The following LSAMP variants were observed in gnomAD, a reference collection of about 807,000 sequenced individuals.
LSAMP encodes the protein limbic system associated membrane protein.
LSAMP carries 7 observed loss-of-function variants against 38.6 expected under a neutral mutation model. The ratio of observed to expected loss-of-function variants is 0.18; its 90% CI spans 0.10 to 0.34. The LOEUF is 0.34. Ranked by LOEUF, LSAMP falls within the 10% of genes least tolerant of loss-of-function variation. The pLI is 1.00. For missense variants in LSAMP, 313 were observed against 420.0 expected, an observed-to-expected ratio of 0.75 and a Z score of 2.23; for synonymous variants, 154 against 166.8, an observed-to-expected ratio of 0.92 and a Z score of 0.59.
At position 116,139,738 on chromosome 3, in the gene LSAMP, C is replaced by T. The variant is rs556390038; in HGVS notation, c.156-53182G>A. 8.6e-4 allele frequency among the ~76,000 whole-genome samples: 130 copies of T among 151,962 alleles called. 1 individual carries two copies. The highest frequency in any genetic ancestry group is 1.5e-3 in the South Asian group (7 of 4,820). ...TTATTTTTAGACCTGTAATGCTTCTCGTGATGCCTGCTTTGGGGGAATGGG... is the reference window on the plus strand; with the variant it reads ...TTATTTTTAGACCTGTAATGCTTCTTGTGATGCCTGCTTTGGGGGAATGGG... On this transcript the variant is annotated intron_variant, in intron 1 of 6. Transcript: ENST00000490035.
chr3:115,820,595 GC>G (rs1423514282), intron 6 of LSAMP, among the ~76,000 whole-genome samples: 1 of 152,118 alleles, frequency 6.6e-6, no homozygotes, highest in Non-Finnish European at 1.5e-5. Flanking sequence ...AGCCACATTA[GC>G]CTGCACCATT....
chr3:116,427,206 C>G (rs2049210593), intron 1 of LSAMP, among the ~76,000 whole-genome samples: 1 of 150,346 alleles, frequency 6.7e-6, no homozygotes, highest in Non-Finnish European at 1.5e-5. Flanking sequence ...CTGCAAGCTC[C>G]GCTTCCCGGG....
At chr3:116,396,875 A>G (rs980441579) in intron 1 of LSAMP, among the ~76,000 whole-genome samples, 4 of 152,192 alleles carry the variant, frequency 2.6e-5, no homozygotes, top group African/African-American at 9.6e-5. Context: ...CCTTGGATTC[A>G]TCTTTCTGTC....
chr3:116,429,956 T>C (rs1375715220), intron 1 of LSAMP, among the ~76,000 whole-genome samples: 1 of 152,212 alleles, frequency 6.6e-6, no homozygotes, highest in Non-Finnish European at 1.5e-5. Context: ...AAATGAGATA[T>C]ACAGTGGGAA....
chr3:116,215,086 G>A (rs992063064), intron 1 of LSAMP, among the ~76,000 whole-genome samples: 4 of 152,010 alleles, frequency 2.6e-5, no homozygotes, highest in South Asian at 4.1e-4. Context: ...GATACATTGC[G>A]GACGGATGGA....
chr3:116,116,819 G>A (rs1708762724), intron 1 of LSAMP, among the ~76,000 whole-genome samples: 1 of 152,096 alleles, frequency 6.6e-6, no homozygotes, highest in African/African-American at 2.4e-5. Flanking sequence ...TGACTACGGT[G>A]AGGCCGCTGT....
intron 3 of LSAMP, among the ~76,000 whole-genome samples, chr3:115,967,146 C>G (rs1195391033): frequency 6.6e-6 from 1 of 152,172 alleles, no homozygotes; most frequent in Non-Finnish European, 1.5e-5. Flanking sequence ...CTTTTAAAAC[C>G]AAGTGCCTTT....
chr3:116,329,768 T>C (rs984437702), intron 1 of LSAMP, among the ~76,000 whole-genome samples: 2 of 152,142 alleles, frequency 1.3e-5, no homozygotes, highest in African/African-American at 4.8e-5. Flanking sequence ...TATCTAATTT[T>C]GGATTTCCAG....
Position 116,439,375 on chromosome 3 carries a change from C to G in LSAMP, c.155+5502G>C, listed in dbSNP as rs572699441. On this transcript the variant is annotated intron_variant, in intron 1 of 6. Coordinates refer to ENST00000490035, the MANE Select transcript of LSAMP (RefSeq NM_002338.5). ...TTAAGATGCCCACCTGTGGATCACA[C>G]TTGTAGTATCCTGTAGTATCAGCAT... Among the ~76,000 whole-genome samples the G allele has an allele frequency of 3.4e-5, 5 of 148,742 alleles. No homozygotes were observed. The South Asian group carries it at 1.1e-3, about 32-fold the overall frequency.
At chr3:116,088,971 C>T (rs2107426872) in intron 1 of LSAMP, among the ~76,000 whole-genome samples, 1 of 152,308 alleles carries the variant, frequency 6.6e-6, no homozygotes, top group Middle Eastern at 3.4e-3. Flanking sequence ...TCCACGTCCC[C>T]ATCCCAAGTC....
intron 1 of LSAMP, among the ~76,000 whole-genome samples, chr3:116,371,099 T>G (rs1057006908): frequency 6.6e-6 from 1 of 152,194 alleles, no homozygotes; most frequent in Non-Finnish European, 1.5e-5. Flanking sequence ...CAGTAACTGA[T>G]GGCTTCACTG....
At chr3:115,868,822 A>G (rs1026612007) in intron 3 of LSAMP, among the ~76,000 whole-genome samples, 1 of 152,148 alleles carries the variant, frequency 6.6e-6, no homozygotes, top group Non-Finnish European at 1.5e-5. Flanking sequence ...CAAATACAAG[A>G]AGAAAATATT....
intron 1 of LSAMP, among the ~76,000 whole-genome samples, chr3:116,137,458 C>T (rs987945250): frequency 2.6e-5 from 4 of 152,162 alleles, no homozygotes; most frequent in Non-Finnish European, 5.9e-5. Context: ...CTAAGACTAA[C>T]CAAAAGTATC....
At chr3:116,376,527 T>A (rs1486043333) in intron 1 of LSAMP, among the ~76,000 whole-genome samples, 1 of 152,072 alleles carries the variant, frequency 6.6e-6, no homozygotes, top group Non-Finnish European at 1.5e-5. Flanking sequence ...ATTCTTGCTA[T>A]TGATGGTTCT....
intron 3 of LSAMP, among the ~76,000 whole-genome samples, chr3:115,957,333 T>C (rs868596085): frequency 6.6e-6 from 1 of 152,246 alleles, no homozygotes; most frequent in African/African-American, 2.4e-5. Context: ...CAGAGCCTGT[T>C]TGTTTCGGAA....
intron 3 of LSAMP, among the ~76,000 whole-genome samples, chr3:115,868,849 C>T (rs961194937): frequency 1.3e-5 from 2 of 152,072 alleles, no homozygotes; most frequent in South Asian, 2.1e-4. Context: ...TGCTTTTTTA[C>T]ATTAGATTGT....
intron 1 of LSAMP, among the ~76,000 whole-genome samples, chr3:116,326,014 T>C (rs1455975576): frequency 6.6e-6 from 1 of 152,166 alleles, no homozygotes; most frequent in East Asian, 1.9e-4. Context: ...GCTGAATAAT[T>C]GAGGAGTGGG....
chr3:115,914,589 G>C (rs2107511323), intron 3 of LSAMP, among the ~76,000 whole-genome samples: 1 of 152,202 alleles, frequency 6.6e-6, no homozygotes, highest in Non-Finnish European at 1.5e-5. Context: ...CAAGTACCGG[G>C]ATAATTTTTT....
rs2049489720 is a variant in LSAMP, at chr3:116,444,988, A to G, written c.44T>C (p.Val15Ala). 2 of 1,614,066 alleles carry G rather than the reference A, an allele frequency of 1.2e-6. No individual in the cohort carries two copies. Among genetic ancestry groups the G allele is most frequent in the African/African-American group, 2.7e-5 (2 of 75,038 alleles). Residue 15 changes from valine to alanine, a missense_variant, in exon 1 of 7, where the codon GTC becomes GCC. Transcript: ENST00000490035. The part of the protein sequence containing the change: ...VQPDRKQLPL[V>A]LLRLLCLLPT... ...AAGAAGGCAGAGCAATCTCAGTAGG[A>G]CCAGTGGCAACTGTTTCCGATCCGG... is the stretch of plus-strand genomic sequence containing the variant.
Sources: allele counts gnomAD v4.1 joint callset (sites outside exome capture counted in the v4.1 genomes callset), GRCh38; gene constraint gnomAD v4.1.1; transcripts MANE v1.5; gene names NCBI Gene and HGNC (gene_info 2026-07-23, HGNC 2026-07-21).